The following IQSEC1 variants were observed in gnomAD, a reference collection of about 807,000 sequenced individuals.
The protein encoded by IQSEC1 is IQ motif and SEC7 domain-containing protein 1.
In IQSEC1, 31 loss-of-function variants were observed where a neutral mutation model predicts 91.0. The ratio of observed to expected loss-of-function variants is 0.34; its 90% CI spans 0.26 to 0.46. IQSEC1 has a LOEUF of 0.46. IQSEC1 is among the 20% of genes least tolerant of loss of function. The pLI is 1.00. For synonymous variants in IQSEC1, 699 were observed against 662.6 expected (o/e 1.05, Z -0.84); for missense variants, 1,388 against 1,575.6 (o/e 0.88, Z 2.02).
chr3:13,051,547 GGCAATTC>G (rs1704691340), intron 1 of IQSEC1, among the ~76,000 whole-genome samples: 3 of 152,124 alleles, frequency 2.0e-5, no homozygotes, highest in Admixed American at 2.0e-4. Context: ...TTCAGTTTGT[GGCAATTC>G]TACAAGCCAT....
chr3:12,990,480 T>TA (rs1701936685), intron 1 of IQSEC1, among the ~76,000 whole-genome samples: 1 of 152,106 alleles, frequency 6.6e-6, no homozygotes, highest in Non-Finnish European at 1.5e-5. Flanking sequence ...CACAACTGGA[T>TA]AAGGAATGAC....
intron 1 of IQSEC1, among the ~76,000 whole-genome samples, chr3:13,069,466 G>T (rs1327590434): frequency 6.6e-6 from 1 of 152,182 alleles, no homozygotes; most frequent in African/African-American, 2.4e-5. Flanking sequence ...ACCCACCAGG[G>T]CTTCGCTTCC....
At chr3:12,985,421 G>T (rs1701679122) in intron 1 of IQSEC1, among the ~76,000 whole-genome samples, 1 of 152,192 alleles carries the variant, frequency 6.6e-6, no homozygotes, top group Non-Finnish European at 1.5e-5. Flanking sequence ...GGAGCCTGGG[G>T]GTGGGAGAGC....
rs1693819015 is a variant in IQSEC1 at position 12,898,006 on chromosome 3, A to C, written c.*2977T>G. 6.6e-6 allele frequency: 1 copy of C among 152,264 alleles called. No homozygotes were observed. The highest frequency in any genetic ancestry group is 1.5e-5 in the Non-Finnish European group (1 of 68,052). The allele number at this position is 152,264 out of a possible 1,614,324, so 9.4% of individuals were successfully genotyped here. On this transcript the variant is annotated 3_prime_UTR_variant, in exon 14 of 14. Coordinates refer to ENST00000613206, the MANE Select transcript of IQSEC1 (RefSeq NM_001134382.3). ...TGTCACATTGCCAGCTGTTTCCCTC[A>C]GCGTCTCCTGCTCCTGTCAGCAATT...
chr3:13,064,892 A>T (rs1705184114), intron 1 of IQSEC1, among the ~76,000 whole-genome samples: 1 of 152,230 alleles, frequency 6.6e-6, no homozygotes. Flanking sequence ...TCTGGGGCCC[A>T]CTGTCAAAGA....
intron 2 of IQSEC1, among the ~76,000 whole-genome samples, chr3:13,100,554 C>T (rs554412074): frequency 3.4e-5 from 5 of 148,576 alleles, no homozygotes; most frequent in South Asian, 4.2e-4. Flanking sequence ...GGGACAGCGG[C>T]GGGCGCCCAG....
chr3:13,251,718 C>T (rs1025725626), intron 1 of IQSEC1, among the ~76,000 whole-genome samples: 15 of 152,290 alleles, frequency 9.8e-5, no homozygotes, highest in Non-Finnish European at 1.0e-4. Flanking sequence ...GACTCTGTTC[C>T]ATTCAACAAT....
intron 2 of IQSEC1, among the ~76,000 whole-genome samples, chr3:13,089,842 G>A (rs138317569): frequency 1.5e-4 from 23 of 152,336 alleles, no homozygotes; most frequent in African/African-American, 4.8e-4. Context: ...TGATGAAAAT[G>A]TTTTAAAACC....
At chr3:12,989,159 T>G (rs1287096863) in intron 1 of IQSEC1, among the ~76,000 whole-genome samples, 2 of 152,206 alleles carry the variant, frequency 1.3e-5, no homozygotes, top group Non-Finnish European at 2.9e-5. Flanking sequence ...TTTGTTTGCT[T>G]ATGTATTGTG....
At chr3:13,106,746 A>G (rs1037023494) in intron 2 of IQSEC1, among the ~76,000 whole-genome samples, 5 of 152,248 alleles carry the variant, frequency 3.3e-5, no homozygotes, top group African/African-American at 9.6e-5. Context: ...CCCTGAGTAC[A>G]CACTCAAAAC....
intron 1 of IQSEC1, among the ~76,000 whole-genome samples, chr3:13,042,044 A>G (rs951391424): frequency 6.6e-6 from 1 of 152,256 alleles, no homozygotes; most frequent in Admixed American, 6.5e-5. Flanking sequence ...GCCTGGCCAC[A>G]GAGCAGTCCA....
chr3:13,180,162 G>A (rs555113733), intron 1 of IQSEC1, among the ~76,000 whole-genome samples: 1 of 152,352 alleles, frequency 6.6e-6, no homozygotes, highest in South Asian at 2.1e-4. Context: ...TCCACTGGGT[G>A]AAGCCTGCTG....
chr3:13,276,943 TC>T (rs1695694085), intron 1 of IQSEC1, among the ~76,000 whole-genome samples: 1 of 151,628 alleles, frequency 6.6e-6, no homozygotes, highest in African/African-American at 2.4e-5. Context: ...CAGCCTCTGC[TC>T]CATTTCAATT....
chr3:13,090,639 G>C, intron 2 of IQSEC1, among the ~76,000 whole-genome samples: 1 of 152,176 alleles, frequency 6.6e-6, no homozygotes, highest in Non-Finnish European at 1.5e-5. Flanking sequence ...GCTGGGCTGA[G>C]AGACTCTACA....
At position 12,979,615 on chromosome 3, in the gene IQSEC1, G is replaced by A. The variant is rs1336011237; in HGVS notation, c.24-37750C>T. 6.6e-6 allele frequency among the ~76,000 whole-genome samples: 1 copy of A among 152,206 alleles called. No individual in the cohort carries two copies. Among genetic ancestry groups the A allele is most frequent in the South Asian group, 2.1e-4 (1 of 4,834 alleles). ...TGTGTACCCTTCTGTATGTTTAACT[G>A]TTGAACCATGACTGTATTACTCCCT... On this transcript the variant is annotated intron_variant, in intron 1 of 13. Coordinates refer to ENST00000613206, the MANE Select transcript of IQSEC1 (RefSeq NM_001134382.3). This position sits in a 1 kb window ranked among gnomAD's most constrained non-coding sequence, Gnocchi z 4.3.
chr3:13,192,231 A>G (rs1375737179), intron 1 of IQSEC1, among the ~76,000 whole-genome samples: 1 of 151,760 alleles, frequency 6.6e-6, no homozygotes, highest in African/African-American at 2.4e-5. Context: ...CCAGCTACTC[A>G]GGAGGCTGAG....
Position 13,207,892 on chromosome 3 carries a change from A to C in IQSEC1, c.273-43759T>G, listed in dbSNP as rs1694372835. Reference sequence around the variant, plus strand: ...TTGTTTACTCCATTTATCTCTCCTCACTGCAACATCAGCTCCAAGAGAGAG... The same window carrying C: ...TTGTTTACTCCATTTATCTCTCCTCCCTGCAACATCAGCTCCAAGAGAGAG... On this transcript the variant is annotated intron_variant, in intron 1 of 15. Transcript: ENST00000648114. This position sits in a 1 kb window ranked among gnomAD's most constrained non-coding sequence, Gnocchi z 4.8. Among the ~76,000 whole-genome samples, 1 of 151,926 alleles carries C rather than the reference A, an allele frequency of 6.6e-6. No individual in the cohort carries two copies. Among genetic ancestry groups the C allele is most frequent in the Admixed American group, 6.6e-5 (1 of 15,254 alleles).
intron 2 of IQSEC1, among the ~76,000 whole-genome samples, chr3:13,090,389 G>A (rs1705839364): frequency 6.6e-6 from 1 of 152,208 alleles, no homozygotes; most frequent in Non-Finnish European, 1.5e-5. Context: ...AATAAAATGT[G>A]AAATGAGTGA....
chr3:13,255,668 G>C (rs1323531049), intron 1 of IQSEC1, among the ~76,000 whole-genome samples: 1 of 152,022 alleles, frequency 6.6e-6, no homozygotes, highest in Non-Finnish European at 1.5e-5. Flanking sequence ...CCAGGCTGAA[G>C]AGCAGCGGAG....
Sources: gnomAD v4.1 joint callset for allele counts (sites outside exome capture counted in the v4.1 genomes callset) on GRCh38, gnomAD v4.1.1 for gene constraint, Gnocchi (gnomAD v3.1) non-coding constraint, MANE v1.5 for transcripts, NCBI Gene and HGNC (gene_info 2026-07-23, HGNC 2026-07-21) for gene names.